Variants in GZMA observed in about 807,000 individuals in gnomAD.
GZMA encodes the protein granzyme A.
In GZMA, 17 loss-of-function variants were observed where a neutral mutation model predicts 21.1. The observed-to-expected ratio is 0.81, with a 90% CI of 0.55 to 1.21. The LOEUF (loss-of-function observed/expected upper bound fraction) is 1.21, where lower values mean the gene tolerates loss of function less well. GZMA is among the 50% of genes most tolerant of loss of function. GZMA has a pLI of 0.00. For synonymous variants in GZMA, 90 were observed against 107.8 expected, an observed-to-expected ratio of 0.83 and a Z score of 1.03; for missense variants, 306 against 315.9, an observed-to-expected ratio of 0.97 and a Z score of 0.24.
rs1742439725 is a variant in GZMA at position 55,107,862 on chromosome 5, T to C, written c.284T>C (p.Met95Thr). ...AGGGAAGAGCCAACAAAACAGATAATGCTTGTTAAGAAAGAGTTTCCCTAT... is the reference window on the plus strand; with the variant it reads ...AGGGAAGAGCCAACAAAACAGATAACGCTTGTTAAGAAAGAGTTTCCCTAT... ...ITREEPTKQIMLVKKEFPYPC... is the reference protein window; with the variant it reads ...ITREEPTKQITLVKKEFPYPC... The change falls in exon 3 of 5, where the codon ATG becomes ACG. Residue 95 changes from methionine to threonine, a missense_variant. Met to Thr is a moderately conservative substitution (Grantham distance 81, BLOSUM62 -1). Transcript: ENST00000274306. 6.2e-7 allele frequency: 1 copy of C among 1,612,786 alleles called. No individual in the cohort carries two copies. Among genetic ancestry groups the C allele is most frequent in the Non-Finnish European group, 8.5e-7 (1 of 1,178,946 alleles).
In GZMA at chr5:55,108,177, A is replaced by G; in HGVS notation, c.410A>G (p.Lys137Arg). The G allele has an allele frequency of 6.2e-7, 1 of 1,610,646 alleles. No homozygotes were observed. The highest frequency in any genetic ancestry group is 8.5e-7 in the Non-Finnish European group (1 of 1,176,902). ...TATGTGACTATCCTTCATCTACCTAAAAAGGGGGACGATGTGAAACCAGGA... is the reference window on the plus strand; with the variant it reads ...TATGTGACTATCCTTCATCTACCTAGAAAGGGGGACGATGTGAAACCAGGA... The part of the protein sequence containing the change: ...NKYVTILHLP[K>R]KGDDVKPGTM... Residue 137 changes from lysine (K) to arginine (R), a missense_variant, in exon 4 of 5, where the codon AAA becomes AGA. Coordinates refer to ENST00000274306, the MANE Select transcript of GZMA (RefSeq NM_006144.4).
At chr5:55,103,876 C>T (rs947810936) in intron 1 of GZMA, among the ~76,000 whole-genome samples, 2 of 151,940 alleles carry the variant, frequency 1.3e-5, no homozygotes, top group African/African-American at 4.8e-5. Flanking sequence ...TATGGTGGCA[C>T]GTGCCTGTAA....
intron 1 of GZMA, 136 bp from the exon 2 acceptor site, chr5:55,105,338 A>G (rs1742368617): frequency 1.5e-6 from 1 of 686,148 alleles, no homozygotes; most frequent in Non-Finnish European, 2.4e-6. Context: ...GTCTACATAG[A>G]GTAAAAGCAG....
In GZMA at chr5:55,110,090, A is replaced by G; in HGVS notation, c.697A>G (p.Lys233Glu). 6.2e-7 allele frequency: 1 copy of G among 1,612,780 alleles called. No individual in the cohort carries two copies. Among genetic ancestry groups the G allele is most frequent in the Non-Finnish European group, 8.5e-7 (1 of 1,179,278 alleles). The part of the protein sequence containing the change: ...RGVTSFGLEN[K>E]CGDPRGPGVY... ...GGTCACTTCCTTTGGCCTTGAAAAT[A>G]AATGCGGAGACCCTCGTGGGCCTGG... Residue 233 changes from lysine (K) to glutamate (E), a missense_variant, in exon 5 of 5, where the codon AAA (lysine) becomes GAA (glutamate). By Grantham distance (56) the Lys-to-Glu change is moderately conservative (BLOSUM62 1). Coordinates refer to ENST00000274306, the MANE Select transcript of GZMA (RefSeq NM_006144.4).
intron 1 of GZMA, among the ~76,000 whole-genome samples, chr5:55,105,260 G>C (rs974095186): frequency 2.0e-5 from 3 of 152,134 alleles, no homozygotes; most frequent in Admixed American, 2.0e-4. Context: ...CAATGGCCTC[G>C]CTTCTGTGGG....
intron 4 of GZMA, among the ~76,000 whole-genome samples, 176 bp downstream of exon 4, chr5:55,108,570 C>T (rs1056157233): frequency 6.6e-6 from 1 of 152,154 alleles, no homozygotes; most frequent in Non-Finnish European, 1.5e-5. Context: ...TCAAGTGAGT[C>T]ATTAATCAAA....
chr5:55,105,070 A>T (rs1216830418), intron 1 of GZMA, among the ~76,000 whole-genome samples: 1 of 152,172 alleles, frequency 6.6e-6, no homozygotes. Flanking sequence ...AGGCTTCTAA[A>T]AGTCTTATCT....
At chr5:55,103,710 G>A (rs6886090) in intron 1 of GZMA, among the ~76,000 whole-genome samples, 5,344 of 152,132 alleles carry the variant, frequency 0.035, 362 homozygotes, top group African/African-American at 0.12. Flanking sequence ...AAAGAACTCT[G>A]GTTTATCATA....
chr5:55,102,824 C>T (rs1742326655), intron 1 of GZMA, 72 bp downstream of exon 1: 2 of 922,144 alleles, frequency 2.2e-6, no homozygotes, highest in Non-Finnish European at 1.8e-6. Flanking sequence ...GAACTTTTGG[C>T]AATATTACCT....
chr5:55,107,699 A>G, intron 2 of GZMA, 95 bp from the exon 3 acceptor site: 1 of 817,982 alleles, frequency 1.2e-6, no homozygotes, highest in Non-Finnish European at 1.9e-6. Context: ...CCCCACCTCC[A>G]TATTTACAAA....
intron 4 of GZMA, among the ~76,000 whole-genome samples, chr5:55,108,689 T>C (rs1742455352): frequency 6.6e-6 from 1 of 152,210 alleles, no homozygotes; most frequent in Non-Finnish European, 1.5e-5. Context: ...TTAACATACG[T>C]AGATCTAAAC....
chr5:55,106,475 G>T (rs565026028), intron 2 of GZMA, among the ~76,000 whole-genome samples: 26 of 152,134 alleles, frequency 1.7e-4, no homozygotes, highest in Non-Finnish European at 3.7e-4. Context: ...AGGCAATGAG[G>T]AAGCAGCATC....
Position 55,102,735 on chromosome 5 carries a change from T to A in GZMA, c.53T>A (p.Leu18His). The A allele has an allele frequency of 6.2e-7, 1 of 1,600,338 alleles. No homozygotes were observed. The highest frequency in any genetic ancestry group is 8.6e-7 in the Non-Finnish European group (1 of 1,167,476). Residue 18 changes from leucine to histidine, a missense_variant, in exon 1 of 5, where the codon CTC (leucine) becomes CAC (histidine). Physicochemically the swap from Leu to His is moderately conservative, Grantham distance 99. Coordinates refer to ENST00000274306, the MANE Select transcript of GZMA (RefSeq NM_006144.4). The part of the protein sequence containing the change: ...LASSLSVVVS[L>H]LLIPEDVCEK... ...TCCTCTCTCTCAGTTGTCGTTTCTC[T>A]CCTGCTAATTCCTGAAGGTAAGACT...
chr5:55,105,474 A>T lies in GZMA; in HGVS notation c.71A>T (p.Asp24Val), dbSNP rs191172631. 1.5e-5 allele frequency: 24 copies of T among 1,612,246 alleles called. No homozygotes were observed. In the Admixed American group the frequency reaches 3.8e-4, roughly 26 times the overall value. ...TGATTTGTCTTTTTCCATTGAACAGATGTCTGTGAAAAAATTATTGGAGGA... is the reference window on the plus strand; with the variant it reads ...TGATTTGTCTTTTTCCATTGAACAGTTGTCTGTGAAAAAATTATTGGAGGA... ...VVVSLLLIPE[D>V]VCEKIIGGNE... The change falls in exon 2 of 5, where the codon GAT becomes GTT. Residue 24 changes from aspartate (D) to valine (V), a missense_variant and splice_region_variant. Transcript: ENST00000274306.
chr5:55,107,996 G>A (rs577129933), intron 3 of GZMA, 61 bp downstream of exon 3: 166 of 1,502,156 alleles, frequency 1.1e-4, no homozygotes, highest in Middle Eastern at 1.7e-4. Context: ...GGCCGCCGAC[G>A]TGAAAACCTT....
intron 1 of GZMA, among the ~76,000 whole-genome samples, chr5:55,104,124 T>C (rs1580327191): frequency 1.3e-5 from 2 of 152,346 alleles, no homozygotes; most frequent in Admixed American, 1.3e-4. Flanking sequence ...TATTCAGGCA[T>C]GTTAAATCCT....
At chr5:55,104,673 T>A (rs1742354698) in intron 1 of GZMA, among the ~76,000 whole-genome samples, 1 of 152,204 alleles carries the variant, frequency 6.6e-6, no homozygotes, top group Non-Finnish European at 1.5e-5. Flanking sequence ...TCGGAGTGTA[T>A]CACTAAGACA....
intron 4 of GZMA, among the ~76,000 whole-genome samples, chr5:55,108,684 A>G (rs998585099): frequency 1.3e-5 from 2 of 152,216 alleles, no homozygotes; most frequent in Non-Finnish European, 2.9e-5. Flanking sequence ...TCATGTTAAC[A>G]TACGTAGATC....
intron 4 of GZMA, among the ~76,000 whole-genome samples, chr5:55,108,608 G>A (rs1227059638): frequency 6.6e-6 from 1 of 152,100 alleles, no homozygotes; most frequent in Non-Finnish European, 1.5e-5. Flanking sequence ...TAGTGCATGG[G>A]GTGACCTACT....
Sources: gnomAD v4.1 joint callset for allele counts (sites outside exome capture counted in the v4.1 genomes callset) on GRCh38, gnomAD v4.1.1 for gene constraint, MANE v1.5 for transcripts, NCBI Gene and HGNC (gene_info 2026-07-23, HGNC 2026-07-21) for gene names.